CNTNAP2: variants seen among roughly 807,000 people sequenced by gnomAD.
CNTNAP2 encodes contactin associated protein 2.
CNTNAP2 carries 98 observed loss-of-function variants against 155.2 expected under a neutral mutation model. The observed-to-expected ratio is 0.63, with a 90% CI of 0.54 to 0.75. The LOEUF (loss-of-function observed/expected upper bound fraction) is 0.75. CNTNAP2 is among the 30% of genes least tolerant of loss of function. CNTNAP2 has a pLI of 0.00. For synonymous variants in CNTNAP2, 651 were observed against 631.2 expected, an observed-to-expected ratio of 1.03 and a Z score of -0.47; for missense variants, 1,727 against 1,688.1, an observed-to-expected ratio of 1.02 and a Z score of -0.40.
chr7:146,855,803 A>G (rs1279201567), intron 3 of CNTNAP2, among the ~76,000 whole-genome samples: 3 of 108,824 alleles, frequency 2.8e-5, no homozygotes, highest in African/African-American at 1.0e-4. Flanking sequence ...GTGTGTGTTA[A>G]TGAGTATATA....
intron 21 of CNTNAP2, among the ~76,000 whole-genome samples, chr7:148,322,299 A>T (rs781141671): frequency 2.0e-5 from 3 of 152,174 alleles, no homozygotes; most frequent in Non-Finnish European, 2.9e-5. Context: ...ATGCCAACCT[A>T]CATTGGTCTA....
intron 21 of CNTNAP2, among the ~76,000 whole-genome samples, chr7:148,277,829 C>CA (rs36031492): frequency 0.38 from 56,193 of 146,738 alleles, 11,188 homozygotes; most frequent in East Asian, 0.61. Flanking sequence ...TTACTTCCTA[C>CA]AAAAAAAAAA....
intron 1 of CNTNAP2, among the ~76,000 whole-genome samples, chr7:146,429,671 A>G (rs1254697961): frequency 2.0e-5 from 3 of 152,122 alleles, no homozygotes; most frequent in Admixed American, 6.6e-5. Flanking sequence ...GTCATCTGCA[A>G]ACAAAAATAA....
chr7:148,353,316 C>T (rs1563054456), intron 21 of CNTNAP2, among the ~76,000 whole-genome samples: 1 of 152,216 alleles, frequency 6.6e-6, no homozygotes, highest in Admixed American at 6.5e-5. Flanking sequence ...ACTTCCACAT[C>T]GGCATGGGTT....
chr7:147,515,214 T>C (rs1799097861), intron 11 of CNTNAP2, among the ~76,000 whole-genome samples: 1 of 152,168 alleles, frequency 6.6e-6, no homozygotes, highest in South Asian at 2.1e-4. Flanking sequence ...CCAGATGTCA[T>C]CTTCTCTTGA....
At chr7:146,734,513 T>C (rs568492681) in intron 1 of CNTNAP2, among the ~76,000 whole-genome samples, 15 of 152,224 alleles carry the variant, frequency 9.9e-5, no homozygotes, top group African/African-American at 3.6e-4. Context: ...AATTATCTTA[T>C]GTGAGGTTCT....
chr7:146,536,101 C>T (rs1392222647), intron 1 of CNTNAP2, among the ~76,000 whole-genome samples: 2 of 152,094 alleles, frequency 1.3e-5, no homozygotes, highest in South Asian at 4.1e-4. Flanking sequence ...AAAAAGCAGA[C>T]ACATGTGATT....
At chr7:148,147,951 T>C (rs1805223796) in intron 17 of CNTNAP2, among the ~76,000 whole-genome samples, 1 of 152,030 alleles carries the variant, frequency 6.6e-6, no homozygotes, top group African/African-American at 2.4e-5. Flanking sequence ...AAAATCAGAG[T>C]GCAGGCTGAG....
chr7:147,178,762 A>G (rs1288386195), intron 8 of CNTNAP2, among the ~76,000 whole-genome samples: 1 of 152,196 alleles, frequency 6.6e-6, no homozygotes, highest in Non-Finnish European at 1.5e-5. Context: ...GTTTTATGAC[A>G]AAGTAGAGGA....
intron 1 of CNTNAP2, among the ~76,000 whole-genome samples, chr7:146,698,675 A>T (rs1451694812): frequency 2.0e-5 from 3 of 152,112 alleles, no homozygotes; most frequent in Non-Finnish European, 4.4e-5. Context: ...AATTCGAAAA[A>T]GCATCAGCAT....
chr7:148,076,161 A>T (rs1170298290), intron 15 of CNTNAP2, among the ~76,000 whole-genome samples: 2 of 152,204 alleles, frequency 1.3e-5, no homozygotes, highest in Non-Finnish European at 2.9e-5. Flanking sequence ...TCTACAGTTC[A>T]GATTCAAGGG....
At chr7:147,028,097 T>C (rs1229461630) in intron 3 of CNTNAP2, among the ~76,000 whole-genome samples, 1 of 152,158 alleles carries the variant, frequency 6.6e-6, no homozygotes, top group Admixed American at 6.5e-5. Flanking sequence ...GTTGAAAAAG[T>C]CAGCCGTTCT....
chr7:147,070,482 C>T (rs1799869577), intron 4 of CNTNAP2, among the ~76,000 whole-genome samples: 2 of 152,136 alleles, frequency 1.3e-5, no homozygotes, highest in African/African-American at 2.4e-5. Context: ...ATTCTGAGAT[C>T]CTAACTGACA....
At chr7:147,448,795 T>A (rs988484646) in intron 10 of CNTNAP2, among the ~76,000 whole-genome samples, 47 of 152,126 alleles carry the variant, frequency 3.1e-4, no homozygotes, top group African/African-American at 1.0e-3. Context: ...ATTGCTTTTT[T>A]AAAATTGCTT....
chr7:146,320,146 A>C (rs1375189818), intron 1 of CNTNAP2, among the ~76,000 whole-genome samples: 1 of 152,208 alleles, frequency 6.6e-6, no homozygotes, highest in Non-Finnish European at 1.5e-5. Flanking sequence ...TGAGGATTAT[A>C]TCATTAAAAA....
intron 15 of CNTNAP2, among the ~76,000 whole-genome samples, chr7:147,986,629 A>G (rs1400666446): frequency 6.6e-6 from 1 of 152,170 alleles, no homozygotes; most frequent in Non-Finnish European, 1.5e-5. Context: ...ACAGTTTAAT[A>G]CAGCCTTCAT....
chr7:146,437,533 T>C (rs1796260900), intron 1 of CNTNAP2, among the ~76,000 whole-genome samples: 3 of 151,540 alleles, frequency 2.0e-5, no homozygotes, highest in South Asian at 4.1e-4. Flanking sequence ...AAAAATATTA[T>C]GGTTGAATTG....
chr7:146,967,122 A>G (rs1352795536), intron 3 of CNTNAP2, among the ~76,000 whole-genome samples: 1 of 152,198 alleles, frequency 6.6e-6, no homozygotes, highest in Non-Finnish European at 1.5e-5. Context: ...ACGTTTTTAC[A>G]TTGGACCTCA....
Position 147,868,381 on chromosome 7 carries a change from C to T in CNTNAP2, c.2099-35184C>T, listed in dbSNP as rs192725261. On this transcript the variant is annotated intron_variant, in intron 13 of 23. Transcript: ENST00000361727. Reference sequence around the variant, plus strand: ...GTGCCTGCCTATATGAGGTGTCTGTCGGCCCATACTGGGAGGTGTCTCCCA... The same window carrying T: ...GTGCCTGCCTATATGAGGTGTCTGTTGGCCCATACTGGGAGGTGTCTCCCA... Among the ~76,000 whole-genome samples the T allele has an allele frequency of 2.9e-3, 446 of 152,262 alleles. 1 individual carries two copies. The highest frequency in any genetic ancestry group is 5.1e-3 in the Non-Finnish European group (349 of 68,008).
Sources: gnomAD v4.1 joint callset for allele counts (sites outside exome capture counted in the v4.1 genomes callset) on GRCh38, gnomAD v4.1.1 for gene constraint, MANE v1.5 for transcripts, NCBI Gene and HGNC (gene_info 2026-07-23, HGNC 2026-07-21) for gene names.